Variants in KLHL1 observed in about 807,000 individuals in gnomAD.
The protein encoded by KLHL1 is kelch like family member 1.
In KLHL1, 47 loss-of-function variants were observed where a neutral mutation model predicts 77.7. The observed-to-expected ratio is 0.60, with a 90% CI of 0.48 to 0.77. The LOEUF is 0.77. KLHL1 is among the 30% of genes least tolerant of loss of function. KLHL1 has a pLI of 0.00. For missense variants in KLHL1, 925 were observed against 910.8 expected, an observed-to-expected ratio of 1.02 and a Z score of -0.20; for synonymous variants, 360 against 325.2, an observed-to-expected ratio of 1.11 and a Z score of -1.15.
rs1272715893 is a variant in KLHL1, at chr13:70,075,628, G to GTATA, written c.497+31571_497+31574dup. 1.8e-4 allele frequency among the ~76,000 whole-genome samples: 11 copies of GTATA among 59,662 alleles called. 1 individual carries two copies. Among genetic ancestry groups the GTATA allele is most frequent in the African/African-American group, 6.4e-4 (11 of 17,254 alleles). The allele number at this position is 59,662 out of a possible 152,430, so 39.1% of individuals were successfully genotyped here. On this transcript the variant is annotated intron_variant, in intron 1 of 10. Transcript: ENST00000377844. ...ATATATAGGACTTACATATATATATGTATATATATATAGGACTTTTATATA... is the reference window on the plus strand; with the variant it reads ...ATATATAGGACTTACATATATATATGTATATATATATATATAGGACTTTTATATA...
At chr13:69,976,083 T>C (rs1414050506) in intron 1 of KLHL1, among the ~76,000 whole-genome samples, 1 of 152,048 alleles carries the variant, frequency 6.6e-6, no homozygotes, top group African/African-American at 2.4e-5. Context: ...TTAGTAAACC[T>C]GAAATCTCAC....
At position 69,936,798 on chromosome 13, in the gene KLHL1, T is replaced by A. The variant is rs375321270; in HGVS notation, c.1014+3242A>T. Among the ~76,000 whole-genome samples, 4 of 152,080 alleles carry A rather than the reference T, an allele frequency of 2.6e-5. 1 individual carries two copies. Among genetic ancestry groups the A allele is most frequent in the African/African-American group, 2.4e-5 (1 of 41,420 alleles). On this transcript the variant is annotated intron_variant, in intron 4 of 10. Transcript: ENST00000377844. ...GAAGATTTCAACCTTCATTTCAACA[T>A]GAATTTTCTCAAAAGCACTCTGCAA...
chr13:69,773,372 C>T (rs1007156138), intron 7 of KLHL1, among the ~76,000 whole-genome samples: 1 of 152,028 alleles, frequency 6.6e-6, no homozygotes. Flanking sequence ...TGTGAATTCA[C>T]TTTGCTCTCT....
chr13:69,828,327 T>C (rs1379990128), intron 6 of KLHL1, among the ~76,000 whole-genome samples: 1 of 149,788 alleles, frequency 6.7e-6, no homozygotes, highest in African/African-American at 2.5e-5. Flanking sequence ...CTGAAACAAA[T>C]GTAGAGAGCC....
chr13:70,054,930 G>C (rs769373098), intron 1 of KLHL1, among the ~76,000 whole-genome samples: 9 of 151,898 alleles, frequency 5.9e-5, no homozygotes, highest in Non-Finnish European at 1.2e-4. Context: ...GAAAGAACTA[G>C]AAAACAACCT....
In KLHL1 at chr13:70,103,255, G is replaced by A. The variant is rs144285686; in HGVS notation, c.497+3948C>T. Among the ~76,000 whole-genome samples the A allele has an allele frequency of 1.6e-4, 25 of 152,196 alleles. 1 individual carries two copies. In the East Asian group the frequency reaches 3.5e-3, roughly 21 times the overall value. On this transcript the variant is annotated intron_variant, in intron 1 of 10. Coordinates refer to ENST00000377844, the MANE Select transcript of KLHL1 (RefSeq NM_020866.3). The stretch of plus-strand genomic sequence containing the variant: ...GAGGCAGTGAAAAATTATAGGGAAG[G>A]ATATTAAGTCTGGAAAACAGAGGGT...
chr13:69,833,766 T>TATAC (rs1555272101), intron 6 of KLHL1, among the ~76,000 whole-genome samples: 64 of 129,452 alleles, frequency 4.9e-4, no homozygotes, highest in Admixed American at 1.5e-3. Flanking sequence ...TATATATATA[T>TATAC]ACATACATAC....
chr13:70,065,853 C>T (rs1290865112), intron 1 of KLHL1, among the ~76,000 whole-genome samples: 1 of 151,544 alleles, frequency 6.6e-6, no homozygotes, highest in Non-Finnish European at 1.5e-5. Context: ...AAGTTTACCA[C>T]TAATATTCAT....
At chr13:69,979,381 C>T (rs1884642725) in intron 1 of KLHL1, among the ~76,000 whole-genome samples, 1 of 151,968 alleles carries the variant, frequency 6.6e-6, no homozygotes, top group Admixed American at 6.6e-5. Context: ...AGGAATCTTT[C>T]TCCTCAACCT....
intron 7 of KLHL1, among the ~76,000 whole-genome samples, chr13:69,770,640 T>C (rs114192966): frequency 0.011 from 1,729 of 152,302 alleles, 35 homozygotes; most frequent in African/African-American, 0.039. Flanking sequence ...TCCTAAGACA[T>C]TAATCTTTCT....
At chr13:70,075,336 T>A (rs1486944894) in intron 1 of KLHL1, among the ~76,000 whole-genome samples, 1 of 149,370 alleles carries the variant, frequency 6.7e-6, no homozygotes, top group Non-Finnish European at 1.5e-5. Flanking sequence ...CTGGAAAAAA[T>A]AAAATAAAAA....
chr13:69,705,652 G>A (rs924995698), intron 10 of KLHL1, among the ~76,000 whole-genome samples: 3 of 151,536 alleles, frequency 2.0e-5, no homozygotes, highest in Non-Finnish European at 4.4e-5. Flanking sequence ...TAAATAATGA[G>A]AAGATACAGA....
chr13:69,776,241 C>T (rs1875824333), intron 7 of KLHL1, among the ~76,000 whole-genome samples: 1 of 152,152 alleles, frequency 6.6e-6, no homozygotes, highest in Non-Finnish European at 1.5e-5. Flanking sequence ...TGCCCCTAGG[C>T]TCATTTAGCT....
At chr13:69,891,362 A>G (rs1881421217) in intron 4 of KLHL1, among the ~76,000 whole-genome samples, 1 of 152,070 alleles carries the variant, frequency 6.6e-6, no homozygotes, top group Non-Finnish European at 1.5e-5. Context: ...AACTGTTTCT[A>G]GTATCAGAAA....
At chr13:69,820,706 G>A (rs921411750) in intron 6 of KLHL1, among the ~76,000 whole-genome samples, 5 of 152,114 alleles carry the variant, frequency 3.3e-5, no homozygotes, top group South Asian at 2.1e-4. Flanking sequence ...CATTCAGGCC[G>A]AATTTGCTCT....
intron 7 of KLHL1, among the ~76,000 whole-genome samples, chr13:69,752,635 G>T (rs923346679): frequency 6.6e-6 from 1 of 152,114 alleles, no homozygotes; most frequent in Non-Finnish European, 1.5e-5. Context: ...AGGTGACATT[G>T]GTAAGTGCTG....
chr13:69,922,746 A>C (rs997146860), intron 4 of KLHL1, among the ~76,000 whole-genome samples: 1 of 152,162 alleles, frequency 6.6e-6, no homozygotes, highest in Non-Finnish European at 1.5e-5. Flanking sequence ...CAAAACTCTC[A>C]CTATTCTCAT....
intron 1 of KLHL1, among the ~76,000 whole-genome samples, chr13:70,023,583 AT>A (rs1159842542): frequency 5.9e-5 from 9 of 152,010 alleles, no homozygotes; most frequent in African/African-American, 2.2e-4. Flanking sequence ...CAAAGTGTCG[AT>A]TTTTTGTTGT....
chr13:70,094,470 GAAAAAGC>G (rs986981634), intron 1 of KLHL1, among the ~76,000 whole-genome samples: 1 of 149,678 alleles, frequency 6.7e-6, no homozygotes, highest in African/African-American at 2.5e-5. Flanking sequence ...AGCTGCTTGG[GAAAAAGC>G]AAAAAGTGTG....
Sources: allele counts gnomAD v4.1 joint callset (sites outside exome capture counted in the v4.1 genomes callset), GRCh38; gene constraint gnomAD v4.1.1; transcripts MANE v1.5; gene names NCBI Gene and HGNC (gene_info 2026-07-23, HGNC 2026-07-21).